The following SNTG2 variants were observed in gnomAD, a reference collection of about 807,000 sequenced individuals.
SNTG2 encodes the protein syntrophin gamma 2, also known as gamma-2-syntrophin.
In SNTG2, 74 loss-of-function variants were observed where a neutral mutation model predicts 70.9. That is an observed-to-expected ratio of 1.04 (90% CI 0.86 to 1.27). The LOEUF (loss-of-function observed/expected upper bound fraction) is 1.27, where lower values mean the gene tolerates loss of function less well. Ranked by LOEUF, SNTG2 falls within the 50% of genes most tolerant of loss-of-function variation. The probability of loss-of-function intolerance (pLI) is 0.00; values close to 1 mark genes in which losing one functional copy is unlikely to be tolerated. For synonymous variants in SNTG2, 278 were observed against 273.8 expected (o/e 1.02, Z -0.15); for missense variants, 717 against 690.7 (o/e 1.04, Z -0.43).
chr2:1,015,155 T>C (rs1181544756), intron 1 of SNTG2, among the ~76,000 whole-genome samples: 1 of 152,134 alleles, frequency 6.6e-6, no homozygotes, highest in Non-Finnish European at 1.5e-5. Context: ...CGGGAGCAGG[T>C]ATCCTGGTCC....
intron 8 of SNTG2, among the ~76,000 whole-genome samples, chr2:1,190,449 G>A (rs1265347640): frequency 7.1e-6 from 1 of 140,886 alleles, no homozygotes; most frequent in Non-Finnish European, 1.5e-5. Flanking sequence ...TTCAATGCAT[G>A]GTTGATTGAA....
intron 1 of SNTG2, among the ~76,000 whole-genome samples, chr2:1,079,038 CTA>C (rs1664106023): frequency 6.6e-6 from 1 of 152,222 alleles, no homozygotes; most frequent in Non-Finnish European, 1.5e-5. Flanking sequence ...GTTGGAATAA[CTA>C]TTTTATTTCC....
chr2:1,117,758 A>C (rs1294793382), intron 4 of SNTG2, among the ~76,000 whole-genome samples: 1 of 152,206 alleles, frequency 6.6e-6, no homozygotes, highest in African/African-American at 2.4e-5. Context: ...TGTGGGCCCC[A>C]GGCTGCGCTG....
intron 7 of SNTG2, among the ~76,000 whole-genome samples, chr2:1,168,058 G>A (rs1180736076): frequency 7.6e-6 from 1 of 132,328 alleles, no homozygotes; most frequent in South Asian, 2.6e-4. Flanking sequence ...CCTACAGGCC[G>A]CCCACAGACG....
chr2:1,096,623 G>A (rs567297524), intron 2 of SNTG2, among the ~76,000 whole-genome samples: 1 of 152,280 alleles, frequency 6.6e-6, no homozygotes, highest in South Asian at 2.1e-4. Flanking sequence ...GTGTCCTCCA[G>A]GCTCATCCAT....
chr2:1,301,145 T>C (rs1680440149), intron 14 of SNTG2, among the ~76,000 whole-genome samples: 1 of 152,066 alleles, frequency 6.6e-6, no homozygotes, highest in South Asian at 2.1e-4. Context: ...CATGGAGTTC[T>C]CAGTGGATGG....
At chr2:1,210,353 T>G (rs761489079) in intron 9 of SNTG2, 1 of 152,088 alleles carries the variant, frequency 6.6e-6, no homozygotes, top group African/African-American at 2.4e-5. Context: ...ATAAAGTGGA[T>G]GGATGGATGG....
At position 1,272,463 on chromosome 2, in the gene SNTG2, TAA is replaced by T. The variant is rs577563977; in HGVS notation, c.1284+4913_1284+4914del. On this transcript the variant is annotated intron_variant, in intron 14 of 16. Coordinates refer to ENST00000308624, the MANE Select transcript of SNTG2 (RefSeq NM_018968.4). Reference sequence around the variant, plus strand: ...CTAACAGGCCACAGACTGGTACTGGTAAAAAAAAAAAAAAAAAAAAAAGGATT... The same window carrying T: ...CTAACAGGCCACAGACTGGTACTGGTAAAAAAAAAAAAAAAAAAAAGGATT... Among the ~76,000 whole-genome samples the T allele has an allele frequency of 3.5e-4, 18 of 51,864 alleles. 3 individuals carry two copies. The highest frequency in any genetic ancestry group is 9.0e-4 in the Admixed American group (4 of 4,440). 34.0% of individuals were successfully genotyped at this position (51,864 alleles called of 152,430 possible). A position where few individuals can be genotyped will look rare whatever the true frequency, so the allele number is the denominator to read the frequency against.
chr2:1,323,716 A>G (rs1040553390), intron 16 of SNTG2, among the ~76,000 whole-genome samples: 9 of 150,276 alleles, frequency 6.0e-5, no homozygotes, highest in African/African-American at 7.4e-5. Flanking sequence ...TAACAGTCAC[A>G]TGGCTGAGAC....
intron 1 of SNTG2, among the ~76,000 whole-genome samples, chr2:979,188 G>C (rs1236639450): frequency 1.3e-5 from 2 of 152,146 alleles, no homozygotes; most frequent in Admixed American, 6.5e-5. Context: ...TTTTGGGTTG[G>C]GGGGGTATTG....
chr2:1,222,137 C>T (rs1256476204), intron 9 of SNTG2, among the ~76,000 whole-genome samples: 6 of 114,146 alleles, frequency 5.3e-5, no homozygotes, highest in Admixed American at 1.8e-4. Flanking sequence ...CTCTCTCTGT[C>T]TCTCTCTGTC....
intron 14 of SNTG2, 50 bp downstream of exon 14, chr2:1,267,621 A>T: frequency 1.3e-6 from 2 of 1,504,766 alleles, no homozygotes; most frequent in Non-Finnish European, 9.2e-7. Context: ...CGGGTGTCTG[A>T]GACATAGCAT....
At chr2:1,293,914 A>C (rs1428753680) in intron 14 of SNTG2, among the ~76,000 whole-genome samples, 1 of 152,160 alleles carries the variant, frequency 6.6e-6, no homozygotes, top group Non-Finnish European at 1.5e-5. Context: ...TTGATCCGAA[A>C]CTGGAACCCA....
chr2:1,128,786 C>T (rs1365350333), intron 4 of SNTG2, among the ~76,000 whole-genome samples: 1 of 151,996 alleles, frequency 6.6e-6, no homozygotes, highest in Non-Finnish European at 1.5e-5. Flanking sequence ...ATCTTCTCGT[C>T]CAGGGCTGAT....
chr2:1,247,574 A>G (rs1461601106), intron 12 of SNTG2, 131 bp downstream of exon 12: 26 of 630,568 alleles, frequency 4.1e-5, no homozygotes, highest in Non-Finnish European at 6.8e-5. Flanking sequence ...CTGTTTCTGC[A>G]TGGTTGGAAA....
chr2:1,153,057 G>C (rs1403242165), intron 6 of SNTG2, among the ~76,000 whole-genome samples: 1 of 151,792 alleles, frequency 6.6e-6, no homozygotes, highest in African/African-American at 2.4e-5. Flanking sequence ...CCAGGAGGCG[G>C]AGGTTGCAGT....
At chr2:1,251,972 T>C (rs1677800664) in intron 12 of SNTG2, among the ~76,000 whole-genome samples, 1 of 152,224 alleles carries the variant, frequency 6.6e-6, no homozygotes, top group Non-Finnish European at 1.5e-5. Context: ...CTTTGTAAGT[T>C]TGAAATGTTT....
rs140984425 is a variant in SNTG2, at chr2:1,135,352, C to T, written c.326-2270C>T. Among the ~76,000 whole-genome samples, 314 of 152,170 alleles carry T rather than the reference C, an allele frequency of 2.1e-3. 1 individual carries two copies. Among genetic ancestry groups the T allele is most frequent in the African/African-American group, 7.4e-3 (307 of 41,504 alleles). ...TGCTTTAGGTTAGAAGAGTCAGATG[C>T]GTCTTCATTGACCTTCATTAAACAA... On this transcript the variant is annotated intron_variant, in intron 4 of 16. Transcript: ENST00000308624.
At chr2:1,062,837 T>C (rs907120803) in intron 1 of SNTG2, among the ~76,000 whole-genome samples, 8 of 152,238 alleles carry the variant, frequency 5.3e-5, no homozygotes, top group Non-Finnish European at 1.0e-4. Context: ...TGATGTATTA[T>C]ATAAAATGGA....
Sources: allele counts gnomAD v4.1 joint callset (sites outside exome capture counted in the v4.1 genomes callset), GRCh38; gene constraint gnomAD v4.1.1; transcripts MANE v1.5; gene names NCBI Gene and HGNC (gene_info 2026-07-23, HGNC 2026-07-21).